ADGRL2: variants seen among roughly 807,000 people sequenced by gnomAD.
ADGRL2 encodes the protein calcium-independent alpha-latrotoxin receptor 2.
In ADGRL2, 44 loss-of-function variants were observed where a neutral mutation model predicts 157.4. The ratio of observed to expected loss-of-function variants is 0.28; its 90% CI spans 0.22 to 0.36. The LOEUF (loss-of-function observed/expected upper bound fraction) is 0.36. Among genes scored for constraint, ADGRL2 ranks in the 10% least tolerant of loss-of-function variants. The pLI, the probability that ADGRL2 is intolerant of heterozygous loss-of-function variation, is 1.00. For missense variants in ADGRL2, 1,510 were observed against 1,768.9 expected, an observed-to-expected ratio of 0.85 and a Z score of 2.63; for synonymous variants, 585 against 624.7, an observed-to-expected ratio of 0.94 and a Z score of 0.95.
In ADGRL2 at chr1:81,721,694, T is replaced by G; in HGVS notation, c.-143+21886T>G. The G allele has an allele frequency of 3.0e-6, 4 of 1,324,238 alleles. No homozygotes were observed. In the East Asian group the frequency reaches 9.2e-5, roughly 31 times the overall value. The allele number at this position is 1,324,238 out of a possible 1,614,324, so 82.0% of individuals were successfully genotyped here. ...AGCTTCGCCCACTGCTTCCTGACCA[T>G]GGACCCCCCGCAAAGTGAACGAGCA... On this transcript the variant is annotated intron_variant, in intron 1 of 20. Coordinates refer to the ADGRL2 transcript ENST00000359929.
At chr1:81,308,715 C>T (rs568087083) in intron 1 of ADGRL2, among the ~76,000 whole-genome samples, 3 of 152,148 alleles carry the variant, frequency 2.0e-5, no homozygotes, top group South Asian at 2.1e-4. Flanking sequence ...TATAGACTTT[C>T]GCATTTGTTT....
intron 3 of ADGRL2, among the ~76,000 whole-genome samples, chr1:81,600,006 C>T (rs184505204): frequency 4.1e-4 from 62 of 152,244 alleles, no homozygotes; most frequent in Non-Finnish European, 7.6e-4. Flanking sequence ...TATCAAATTG[C>T]CTTTACAAGA....
At chr1:81,406,273 G>A (rs79622671) in intron 1 of ADGRL2, among the ~76,000 whole-genome samples, 2,850 of 152,202 alleles carry the variant, frequency 0.019, 87 homozygotes, top group African/African-American at 0.066. Flanking sequence ...ATACAATTTA[G>A]GTTTAACACT....
At chr1:81,851,742 G>GTGTA (rs569865973) in intron 2 of ADGRL2, among the ~76,000 whole-genome samples, 8,245 of 150,900 alleles carry the variant, frequency 0.055, 273 homozygotes, top group Non-Finnish European at 0.077. Flanking sequence ...ATTTGTGTGT[G>GTGTA]TGTGTGTGTG....
intron 7 of ADGRL2, 63 bp downstream of exon 7, chr1:81,950,545 T>C: frequency 7.2e-7 from 1 of 1,392,202 alleles, no homozygotes; most frequent in Non-Finnish European, 9.8e-7. Context: ...TGTATTACAG[T>C]GAAGTGATTT....
chr1:81,784,775 A>G (rs917651834), intron 2 of ADGRL2, among the ~76,000 whole-genome samples: 8 of 151,848 alleles, frequency 5.3e-5, no homozygotes, highest in Admixed American at 2.0e-4. Flanking sequence ...CTTACTAAGC[A>G]TCAAGAAAAA....
intron 4 of ADGRL2, among the ~76,000 whole-genome samples, chr1:81,938,856 A>C (rs1269778712): frequency 6.6e-6 from 1 of 150,986 alleles, no homozygotes; most frequent in Admixed American, 6.6e-5. Context: ...GTTTCTTTCT[A>C]CCTCTGTCCA....
intron 3 of ADGRL2, among the ~76,000 whole-genome samples, chr1:81,590,301 A>G (rs1330377532): frequency 6.6e-6 from 1 of 152,056 alleles, no homozygotes; most frequent in African/African-American, 2.4e-5. Context: ...ATCTCTTTTG[A>G]TTATGTGTAT....
intron 3 of ADGRL2, among the ~76,000 whole-genome samples, chr1:81,662,077 A>T (rs1238868811): frequency 2.6e-5 from 4 of 152,048 alleles, no homozygotes; most frequent in Non-Finnish European, 5.9e-5. Context: ...TTTGATGTAG[A>T]TGTGCAGTGT....
chr1:81,785,530 C>T (rs898202613), intron 2 of ADGRL2, among the ~76,000 whole-genome samples: 1 of 151,956 alleles, frequency 6.6e-6, no homozygotes, highest in African/African-American at 2.4e-5. Flanking sequence ...GAGTTCCAGA[C>T]CAGCCTGGGC....
chr1:81,741,088 T>C lies in ADGRL2; in HGVS notation c.-142-20723T>C, dbSNP rs143007522. Among the ~76,000 whole-genome samples the C allele has an allele frequency of 1.8e-3, 270 of 150,480 alleles. 3 individuals are homozygous for C. Among genetic ancestry groups the C allele is most frequent in the African/African-American group, 6.1e-3 (252 of 41,028 alleles). ...TTGTGTATTATAGGCCAGAGGCTAA[T>C]CATAGGTGAAGATGAGACAAGGGAA... On this transcript the variant is annotated intron_variant, in intron 1 of 20. Coordinates refer to the ADGRL2 transcript ENST00000359929.
intron 2 of ADGRL2, among the ~76,000 whole-genome samples, chr1:81,494,150 A>C (rs1298753670): frequency 1.3e-5 from 2 of 152,156 alleles, no homozygotes; most frequent in African/African-American, 2.4e-5. Context: ...CCAATTCTGC[A>C]TATTAAGTTA....
chr1:81,347,756 A>T (rs1254941785), intron 1 of ADGRL2, among the ~76,000 whole-genome samples: 1 of 152,204 alleles, frequency 6.6e-6, no homozygotes, highest in Non-Finnish European at 1.5e-5. Context: ...TGATAAAAAG[A>T]TCATGGATGC....
intron 2 of ADGRL2, among the ~76,000 whole-genome samples, chr1:81,460,036 G>A (rs1240589807): frequency 6.6e-6 from 1 of 151,850 alleles, no homozygotes; most frequent in Non-Finnish European, 1.5e-5. Flanking sequence ...GTAATAAGCA[G>A]CCTAAGAGGT....
chr1:81,942,527 A>G (rs1031799641), intron 5 of ADGRL2, among the ~76,000 whole-genome samples: 2 of 151,848 alleles, frequency 1.3e-5, no homozygotes, highest in South Asian at 2.1e-4. Context: ...AAGTCTTCAC[A>G]TTCGGTTTTC....
intron 1 of ADGRL2, among the ~76,000 whole-genome samples, chr1:81,817,226 T>A (rs1201708891): frequency 1.3e-5 from 2 of 152,056 alleles, no homozygotes; most frequent in African/African-American, 2.4e-5. Context: ...AGTTAAAATT[T>A]TTTGAAATGA....
chr1:81,610,303 AAT>A (rs2148666872), intron 3 of ADGRL2, among the ~76,000 whole-genome samples: 1 of 145,638 alleles, frequency 6.9e-6, no homozygotes, highest in African/African-American at 2.6e-5. Flanking sequence ...TATTCAAGCT[AAT>A]ATCTGAGTTT....
chr1:81,480,178 T>C (rs1467882984), intron 2 of ADGRL2, among the ~76,000 whole-genome samples: 1 of 152,162 alleles, frequency 6.6e-6, no homozygotes, highest in African/African-American at 2.4e-5. Context: ...TAGGAGGCTT[T>C]AGGCATTCGT....
At chr1:81,499,958 A>AT (rs975672268) in intron 2 of ADGRL2, among the ~76,000 whole-genome samples, 180 of 152,154 alleles carry the variant, frequency 1.2e-3, no homozygotes, top group African/African-American at 4.1e-3. Context: ...TTTCTTGAAA[A>AT]AAATTAATAG....
Sources: gnomAD v4.1 joint callset for allele counts (sites outside exome capture counted in the v4.1 genomes callset) on GRCh38, gnomAD v4.1.1 for gene constraint, MANE v1.5 for transcripts, NCBI Gene and HGNC (gene_info 2026-07-23, HGNC 2026-07-21) for gene names.